Variants in DLC1 observed in about 807,000 individuals in gnomAD.
The protein encoded by DLC1 is rho GTPase-activating protein 7.
DLC1 carries 54 observed loss-of-function variants against 140.3 expected under a neutral mutation model. The observed-to-expected ratio is 0.38, with a 90% CI of 0.31 to 0.48. The LOEUF is 0.48. Ranked by LOEUF, DLC1 falls within the 20% of genes least tolerant of loss-of-function variation. The probability of loss-of-function intolerance (pLI) is 0.96; values close to 1 mark genes in which losing one functional copy is unlikely to be tolerated. For synonymous variants in DLC1, 986 were observed against 728.1 expected (o/e 1.35, Z -5.70); for missense variants, 2,536 against 1,907.0 (o/e 1.33, Z -6.14).
At chr8:13,142,104 C>T (rs1008931217) in intron 5 of DLC1, among the ~76,000 whole-genome samples, 1 of 152,200 alleles carries the variant, frequency 6.6e-6, no homozygotes, top group Non-Finnish European at 1.5e-5. Flanking sequence ...CACAGTCGCT[C>T]CTGCCGCCTT....
chr8:13,302,744 C>T (rs1028310136), intron 5 of DLC1, among the ~76,000 whole-genome samples: 14 of 149,414 alleles, frequency 9.4e-5, no homozygotes, highest in Admixed American at 6.6e-4. Flanking sequence ...GCCTTAGGGG[C>T]GGGTATGAAG....
intron 4 of DLC1, among the ~76,000 whole-genome samples, chr8:13,306,379 C>T (rs774898710): frequency 6.6e-5 from 10 of 152,244 alleles, no homozygotes; most frequent in Middle Eastern, 6.8e-3. Context: ...CAGTTACTCA[C>T]GTATAAAATA....
In DLC1 at chr8:13,504,605, G is replaced by C. The variant is rs77224718; in HGVS notation, c.-125-4409C>G. ...TTCAGAACATAGGAGGTAAGCAAAT[G>C]GTTCTAAATGTAATCGGAGAAAGAG... On this transcript the variant is annotated intron_variant, in intron 1 of 17. Coordinates refer to ENST00000276297, the MANE Select transcript of DLC1 (RefSeq NM_182643.3). Among the ~76,000 whole-genome samples the C allele has an allele frequency of 3.4e-3, 513 of 152,236 alleles. 3 individuals carry two copies. The highest frequency in any genetic ancestry group is 0.012 in the African/African-American group (500 of 41,520).
intron 4 of DLC1, among the ~76,000 whole-genome samples, chr8:13,353,682 C>T (rs1834783305): frequency 6.6e-6 from 1 of 152,066 alleles, no homozygotes; most frequent in Non-Finnish European, 1.5e-5. Context: ...CATGGTGAAA[C>T]CCTGTCTCTA....
chr8:13,273,623 A>T (rs569830311), intron 5 of DLC1, among the ~76,000 whole-genome samples: 1 of 150,998 alleles, frequency 6.6e-6, no homozygotes, highest in South Asian at 2.1e-4. Flanking sequence ...AAGGGAGTTT[A>T]AGACAAGGAG....
At chr8:13,098,313 G>A (rs941385658) in intron 10 of DLC1, 86 bp downstream of exon 10, 28 of 1,478,468 alleles carry the variant, frequency 1.9e-5, no homozygotes, top group Non-Finnish European at 2.6e-5. Context: ...GGAGAGAAGT[G>A]TCATTTTTTA....
intron 1 of DLC1, among the ~76,000 whole-genome samples, chr8:13,552,113 A>ATATATATATATC: frequency 1.5e-5 from 1 of 66,534 alleles, no homozygotes; most frequent in East Asian, 4.8e-4. Flanking sequence ...CTAGAGGTGT[A>ATATATATATATC]TATATATATA....
At chr8:13,102,942 T>C in intron 7 of DLC1, 89 bp from the exon 8 acceptor site, 3 of 1,151,654 alleles carry the variant, frequency 2.6e-6, no homozygotes, top group Non-Finnish European at 3.8e-6. Flanking sequence ...TTCATATATT[T>C]AAGGAGTTTC....
intron 4 of DLC1, among the ~76,000 whole-genome samples, chr8:13,381,062 G>A (rs932059955): frequency 6.6e-6 from 1 of 152,156 alleles, no homozygotes; most frequent in African/African-American, 2.4e-5. Flanking sequence ...ATGAGTCCCT[G>A]TAGTGTGGGA....
At chr8:13,286,590 A>C (rs1201258684) in intron 5 of DLC1, among the ~76,000 whole-genome samples, 2 of 152,112 alleles carry the variant, frequency 1.3e-5, no homozygotes, top group South Asian at 4.1e-4. Flanking sequence ...TTTTCAAGGC[A>C]CAGAATGCAA....
upstream of DLC1, among the ~76,000 whole-genome samples, chr8:13,516,533 T>A (rs1193988533): frequency 6.6e-6 from 1 of 152,164 alleles, no homozygotes; most frequent in East Asian, 1.9e-4. Flanking sequence ...TCATGAACCA[T>A]ATTAGACCCA....
intron 5 of DLC1, among the ~76,000 whole-genome samples, chr8:13,155,784 A>C (rs1824206144): frequency 6.6e-6 from 1 of 152,214 alleles, no homozygotes; most frequent in Admixed American, 6.5e-5. Context: ...CATGAGGAAT[A>C]AAAGAACTCA....
At chr8:13,101,738 A>C (rs1819106896) in intron 8 of DLC1, among the ~76,000 whole-genome samples, 1 of 152,176 alleles carries the variant, frequency 6.6e-6, no homozygotes. Context: ...AGCCAATTGA[A>C]CAAGGCTTCA....
At chr8:13,455,970 T>G (rs1799367322) in intron 2 of DLC1, among the ~76,000 whole-genome samples, 1 of 152,174 alleles carries the variant, frequency 6.6e-6, no homozygotes, top group African/African-American at 2.4e-5. Flanking sequence ...CCCAAATTTG[T>G]GTTAATTTTG....
At chr8:13,464,159 G>A (rs1039815859) in intron 2 of DLC1, among the ~76,000 whole-genome samples, 1 of 152,140 alleles carries the variant, frequency 6.6e-6, no homozygotes, top group African/African-American at 2.4e-5. Context: ...TAAAACCCTG[G>A]GCTTTTTAGG....
rs996597354 is a variant in DLC1 at position 13,568,494 on chromosome 8, G to A, written c.-126+36043C>T. 3.9e-5 allele frequency among the ~76,000 whole-genome samples: 6 copies of A among 152,104 alleles called. 1 individual carries two copies. The South Asian group carries it at 1.2e-3, about 31-fold the overall frequency. Reference sequence around the variant, plus strand: ...CAGAGGAAAGGTATAGCCTAGAGGTGCAAAATAAATTGGGGTAGGACTGGG... The same window carrying A: ...CAGAGGAAAGGTATAGCCTAGAGGTACAAAATAAATTGGGGTAGGACTGGG... On this transcript the variant is annotated intron_variant, in intron 1 of 1. Coordinates refer to the DLC1 transcript ENST00000631382.
chr8:13,461,931 A>G (rs1390946219), intron 2 of DLC1, among the ~76,000 whole-genome samples: 3 of 152,212 alleles, frequency 2.0e-5, no homozygotes, highest in Non-Finnish European at 4.4e-5. Flanking sequence ...CAACAATATT[A>G]GTGAGGTATT....
intron 6 of DLC1, among the ~76,000 whole-genome samples, chr8:13,113,120 TC>T (rs1272846776): frequency 6.6e-6 from 1 of 152,224 alleles, no homozygotes; most frequent in Non-Finnish European, 1.5e-5. Context: ...AAGAATTAAA[TC>T]AGTAATTTTC....
At chr8:13,557,433 G>T (rs934940519) in intron 1 of DLC1, among the ~76,000 whole-genome samples, 1 of 152,110 alleles carries the variant, frequency 6.6e-6, no homozygotes, top group Non-Finnish European at 1.5e-5. Flanking sequence ...TGTGAGGTCA[G>T]CCCGAAGGCA....
Sources: gnomAD v4.1 joint callset for allele counts (sites outside exome capture counted in the v4.1 genomes callset) on GRCh38, gnomAD v4.1.1 for gene constraint, MANE v1.5 for transcripts, NCBI Gene and HGNC (gene_info 2026-07-23, HGNC 2026-07-21) for gene names.